ZNF638: variants seen among roughly 807,000 people sequenced by gnomAD.
The protein encoded by ZNF638 is zinc finger protein 638.
Under a neutral mutation model 195.6 loss-of-function variants are expected in ZNF638, and 46 were observed. The ratio of observed to expected loss-of-function variants is 0.24; its 90% CI spans 0.19 to 0.30. ZNF638 has a LOEUF of 0.30. Among genes scored for constraint, ZNF638 ranks in the 10% least tolerant of loss-of-function variants. ZNF638 has a pLI of 1.00. For synonymous variants in ZNF638, 845 were observed against 772.0 expected (o/e 1.09, Z -1.57); for missense variants, 2,440 against 2,325.3 (o/e 1.05, Z -1.01).
At chr2:71,416,843 C>A (rs1289980485) in intron 20 of ZNF638, among the ~76,000 whole-genome samples, 3 of 139,154 alleles carry the variant, frequency 2.2e-5, no homozygotes, top group South Asian at 2.5e-4. Context: ...GTTCTCAGAT[C>A]TCCAGCTGCG....
intron 1 of ZNF638, among the ~76,000 whole-genome samples, chr2:71,338,206 C>T (rs2078704437): frequency 1.3e-5 from 2 of 152,152 alleles, no homozygotes; most frequent in East Asian, 1.9e-4. Flanking sequence ...TTAGAATTTA[C>T]CTCTGTAACA....
intron 21 of ZNF638, among the ~76,000 whole-genome samples, chr2:71,420,040 A>G (rs1254251171): frequency 1.6e-5 from 2 of 124,408 alleles, no homozygotes; most frequent in Non-Finnish European, 3.1e-5. Flanking sequence ...TGTCCAGAAT[A>G]CTAAACATTT....
In ZNF638 at chr2:71,426,456, A is replaced by G. The variant is rs2080541603; in HGVS notation, c.4591-4A>G. ...CAATACTATGATTTTTAACTTTCCA[A>G]CAGGAGCCATTATTTCCATTTAATT... On this transcript the variant is annotated splice_region_variant and splice_polypyrimidine_tract_variant and intron_variant, in intron 23 of 27. Coordinates refer to ENST00000264447, the MANE Select transcript of ZNF638 (RefSeq NM_014497.5). 1.3e-6 allele frequency: 2 copies of G among 1,552,744 alleles called. No individual in the cohort carries two copies. The highest frequency in any genetic ancestry group is 1.3e-5 in the South Asian group (1 of 79,856).
At chr2:71,373,633 T>A (rs1007966663) in intron 8 of ZNF638, among the ~76,000 whole-genome samples, 5 of 150,666 alleles carry the variant, frequency 3.3e-5, no homozygotes, top group Non-Finnish European at 7.4e-5. Flanking sequence ...TTAGCCAGGA[T>A]GGTCTTGATC....
chr2:71,421,388 C>G (rs561750365), intron 21 of ZNF638, among the ~76,000 whole-genome samples: 5 of 151,870 alleles, frequency 3.3e-5, no homozygotes, highest in African/African-American at 1.2e-4. Flanking sequence ...TTTTAGCATG[C>G]AAAGAATAAC....
chr2:71,388,793 A>T (rs1188252384), intron 10 of ZNF638: 1 of 818,236 alleles, frequency 1.2e-6, no homozygotes, highest in Non-Finnish European at 2.1e-6. Context: ...TCATCATGAG[A>T]CAACAGCTGT....
intron 21 of ZNF638, among the ~76,000 whole-genome samples, chr2:71,419,727 C>CCT (rs1239796443): frequency 6.6e-6 from 1 of 151,980 alleles, no homozygotes; most frequent in South Asian, 2.1e-4. Context: ...TATATATAGA[C>CCT]CTAAAGATTG....
intron 27 of ZNF638, 39 bp from the exon 28 acceptor site, chr2:71,434,703 G>A (rs373237977): frequency 5.9e-5 from 92 of 1,562,056 alleles, no homozygotes; most frequent in African/African-American, 1.3e-4. Flanking sequence ...GCAAAATAAC[G>A]TCTAATAAGT....
chr2:71,421,381 TAGC>T (rs1178948032), intron 21 of ZNF638, among the ~76,000 whole-genome samples: 2 of 152,062 alleles, frequency 1.3e-5, no homozygotes, highest in East Asian at 3.9e-4. Context: ...AAAAACATTT[TAGC>T]ATGCAAAGAA....
At chr2:71,362,517 A>G (rs929991694) in intron 3 of ZNF638, among the ~76,000 whole-genome samples, 6 of 152,192 alleles carry the variant, frequency 3.9e-5, no homozygotes, top group Non-Finnish European at 7.3e-5. Context: ...AACAACAGAC[A>G]GCCTGTCCAA....
chr2:71,411,560 G>A (rs1573143872), intron 20 of ZNF638, among the ~76,000 whole-genome samples: 1 of 112,876 alleles, frequency 8.9e-6, no homozygotes, highest in Non-Finnish European at 1.8e-5. Context: ...GTGCCATGCT[G>A]GTGCGCTGCA....
At position 71,348,810 on chromosome 2, in the gene ZNF638, T is replaced by C. The variant is rs1234596943; in HGVS notation, c.-145T>C. 6 of 1,585,922 alleles carry C rather than the reference T, an allele frequency of 3.8e-6. No homozygotes were observed. The highest frequency in any genetic ancestry group is 5.1e-6 in the Non-Finnish European group (6 of 1,169,742). On this transcript the variant is annotated 5_prime_UTR_variant, in exon 2 of 28. Transcript: ENST00000264447. ...TTGTGAATTCCTTGAACCTGGGCAT[T>C]GCAAACCCACTTCTGTTGGGCCCAT...
At chr2:71,344,961 A>G (rs1426092583) in intron 1 of ZNF638, among the ~76,000 whole-genome samples, 1 of 152,202 alleles carries the variant, frequency 6.6e-6, no homozygotes, top group Non-Finnish European at 1.5e-5. Context: ...AAAATTGTGC[A>G]AATGAAATAT....
At chr2:71,380,679 T>TA (rs2079520394) in intron 10 of ZNF638, 114 bp downstream of exon 10, 2 of 729,198 alleles carry the variant, frequency 2.7e-6, no homozygotes, top group Admixed American at 6.7e-5. Context: ...AGACCCAAAT[T>TA]ACATTCTTTA....
chr2:71,426,339 G>C (rs552405233), intron 23 of ZNF638, 121 bp from the exon 24 acceptor site: 7 of 731,818 alleles, frequency 9.6e-6, no homozygotes, highest in South Asian at 9.0e-5. Flanking sequence ...TAGCCTTTAG[G>C]AAAACTAATT....
chr2:71,431,110 T>G (rs2080649001), intron 25 of ZNF638: 1 of 425,224 alleles, frequency 2.4e-6, no homozygotes, highest in Non-Finnish European at 4.3e-6. Context: ...AAATTTGCTG[T>G]TAGCTTTAGA....
At chr2:71,347,706 G>C (rs2104163340) in intron 1 of ZNF638, among the ~76,000 whole-genome samples, 2 of 152,346 alleles carry the variant, frequency 1.3e-5, no homozygotes, top group South Asian at 4.1e-4. Context: ...GGTAGCTAAA[G>C]TACTGTTTTC....
intron 12 of ZNF638, 90 bp downstream of exon 12, chr2:71,398,862 G>T (rs2079947536): frequency 8.9e-7 from 1 of 1,123,790 alleles, no homozygotes; most frequent in South Asian, 1.4e-5. Context: ...AATACTTGAA[G>T]AGTTTAGTAG....
At chr2:71,366,556 CATTTTGATGGTT>C (rs2079202949) in intron 6 of ZNF638, among the ~76,000 whole-genome samples, 1 of 152,038 alleles carries the variant, frequency 6.6e-6, no homozygotes, top group South Asian at 2.1e-4. Flanking sequence ...GTCAAAAGAA[CATTTTGATGGTT>C]TGGCATTTTT....
Sources: allele counts gnomAD v4.1 joint callset (sites outside exome capture counted in the v4.1 genomes callset), GRCh38; gene constraint gnomAD v4.1.1; transcripts MANE v1.5; gene names NCBI Gene and HGNC (gene_info 2026-07-23, HGNC 2026-07-21).